ADGRL2: variants seen among roughly 807,000 people sequenced by gnomAD.
ADGRL2 encodes calcium-independent alpha-latrotoxin receptor 2.
Under a neutral mutation model 157.4 loss-of-function variants are expected in ADGRL2, and 44 were observed. The ratio of observed to expected loss-of-function variants is 0.28; its 90% confidence interval spans 0.22 to 0.36. The LOEUF is 0.36. ADGRL2 is among the 10% of genes least tolerant of loss of function. The pLI is 1.00. For synonymous variants in ADGRL2, 585 were observed against 624.7 expected (o/e 0.94, Z 0.95); for missense variants, 1,510 against 1,768.9 (o/e 0.85, Z 2.63).
chr1:81,800,392 A>G (rs1158827689), upstream of ADGRL2: 1 of 152,152 alleles, frequency 6.6e-6, no homozygotes, highest in African/African-American at 2.4e-5. Flanking sequence ...GGACGGAGGC[A>G]GCCGCGGCGA....
At chr1:81,410,933 G>A (rs2076935208) in intron 1 of ADGRL2, among the ~76,000 whole-genome samples, 1 of 152,156 alleles carries the variant, frequency 6.6e-6, no homozygotes, top group Non-Finnish European at 1.5e-5. Flanking sequence ...TTAATTTTAT[G>A]TTAGCATGTT....
chr1:81,938,101 G>C (rs942792072), intron 4 of ADGRL2, among the ~76,000 whole-genome samples: 1 of 151,696 alleles, frequency 6.6e-6, no homozygotes, highest in Non-Finnish European at 1.5e-5. Context: ...TGTACCATTT[G>C]TAGGATTGGA....
intron 2 of ADGRL2, among the ~76,000 whole-genome samples, chr1:81,902,447 A>C (rs934027811): frequency 4.6e-5 from 7 of 152,016 alleles, no homozygotes; most frequent in African/African-American, 1.5e-4. Context: ...AAAATACAAA[A>C]ATTAGCCGGT....
chr1:81,827,632 C>T (rs936541585), intron 1 of ADGRL2, among the ~76,000 whole-genome samples: 3 of 152,124 alleles, frequency 2.0e-5, no homozygotes, highest in Admixed American at 2.0e-4. Flanking sequence ...GTGGTGCGAT[C>T]TTGGCGCACT....
chr1:81,895,662 T>C (rs1280797186), intron 2 of ADGRL2, among the ~76,000 whole-genome samples: 1 of 152,176 alleles, frequency 6.6e-6, no homozygotes, highest in African/African-American at 2.4e-5. Flanking sequence ...CCCAAAGTGC[T>C]GGGATTACAG....
At chr1:81,965,958 A>G in intron 11 of ADGRL2, 100 bp from the exon 12 acceptor site, 1 of 1,248,650 alleles carries the variant, frequency 8.0e-7, no homozygotes, top group Admixed American at 2.4e-5. Flanking sequence ...TAAGTAGGCA[A>G]AAAGAAAACA....
At chr1:81,978,998 G>A (rs183242213) in intron 17 of ADGRL2, among the ~76,000 whole-genome samples, 74 of 151,562 alleles carry the variant, frequency 4.9e-4, no homozygotes, top group Non-Finnish European at 8.4e-4. Flanking sequence ...TCTATTTTTG[G>A]AGCATAAAAA....
chr1:81,744,284 C>A (rs938388323), intron 1 of ADGRL2, among the ~76,000 whole-genome samples: 1 of 152,194 alleles, frequency 6.6e-6, no homozygotes, highest in South Asian at 2.1e-4. Context: ...CTTACATTAT[C>A]CCATTTAAAG....
intron 3 of ADGRL2, among the ~76,000 whole-genome samples, chr1:81,596,657 A>C (rs939833289): frequency 6.6e-6 from 1 of 151,584 alleles, no homozygotes; most frequent in African/African-American, 2.4e-5. Context: ...ATGAATTTTT[A>C]TTTCCAGAAT....
At chr1:81,309,222 T>C (rs1349063672) in intron 1 of ADGRL2, among the ~76,000 whole-genome samples, 1 of 152,134 alleles carries the variant, frequency 6.6e-6, no homozygotes, top group African/African-American at 2.4e-5. Flanking sequence ...TGTAATACCG[T>C]ATATATTTCC....
chr1:81,429,617 C>G (rs1466843798), intron 1 of ADGRL2, among the ~76,000 whole-genome samples: 1 of 152,238 alleles, frequency 6.6e-6, no homozygotes, highest in Admixed American at 6.5e-5. Flanking sequence ...TGAAGGAATG[C>G]TGCTAGCAGC....
chr1:81,825,800 T>A (rs1209316369), intron 1 of ADGRL2, among the ~76,000 whole-genome samples: 1 of 152,034 alleles, frequency 6.6e-6, no homozygotes, highest in African/African-American at 2.4e-5. Context: ...TGTTCTTCCA[T>A]GTAAAATTAT....
At chr1:81,437,007 G>A (rs1467619151) in intron 1 of ADGRL2, among the ~76,000 whole-genome samples, 2 of 152,170 alleles carry the variant, frequency 1.3e-5, no homozygotes, top group Non-Finnish European at 2.9e-5. Context: ...TCAACAAAAT[G>A]TGTTCATAAA....
At chr1:81,311,453 A>C (rs558906626) in intron 1 of ADGRL2, among the ~76,000 whole-genome samples, 6 of 152,266 alleles carry the variant, frequency 3.9e-5, no homozygotes, top group Admixed American at 2.0e-4. Flanking sequence ...TATTCCCAGT[A>C]GTTTGTAAAC....
At chr1:81,910,231 T>G (rs2094684690) in intron 3 of ADGRL2, among the ~76,000 whole-genome samples, 1 of 107,764 alleles carries the variant, frequency 9.3e-6, no homozygotes, top group Non-Finnish European at 1.8e-5. Flanking sequence ...GGAGTGAGAC[T>G]CTGCCTAAAA....
At chr1:81,553,191 A>T (rs2080192764) in intron 2 of ADGRL2, among the ~76,000 whole-genome samples, 1 of 152,218 alleles carries the variant, frequency 6.6e-6, no homozygotes. Flanking sequence ...AAAAGTATTG[A>T]ATTGATAAAA....
intron 11 of ADGRL2, among the ~76,000 whole-genome samples, chr1:81,957,360 C>G (rs1212900789): frequency 2.0e-5 from 3 of 152,060 alleles, no homozygotes; most frequent in Non-Finnish European, 2.9e-5. Flanking sequence ...AATTAAATGT[C>G]CAGGAATACA....
chr1:81,791,260 T>C (rs188383054), intron 2 of ADGRL2, among the ~76,000 whole-genome samples: 1 of 152,266 alleles, frequency 6.6e-6, no homozygotes, highest in Admixed American at 6.5e-5. Context: ...GCTATTTTGG[T>C]AGACCAGAGA....
At chr1:81,636,079 G>T (rs943888044) in intron 3 of ADGRL2, among the ~76,000 whole-genome samples, 2 of 152,096 alleles carry the variant, frequency 1.3e-5, no homozygotes, top group Non-Finnish European at 2.9e-5. Flanking sequence ...CCAGACTAGA[G>T]GACCCAGTCA....
Sources: gnomAD v4.1 joint callset for allele counts (sites outside exome capture counted in the v4.1 genomes callset) on GRCh38, gnomAD v4.1.1 for gene constraint, MANE v1.5 for transcripts, NCBI Gene and HGNC (gene_info 2026-07-23, HGNC 2026-07-21) for gene names.